Variants in HDAC9 observed in about 807,000 individuals in gnomAD.
HDAC9 encodes histone deacetylase 9, also known as MEF-2 interacting transcription repressor (MITR) protein.
HDAC9 carries 41 observed loss-of-function variants against 139.4 expected under a neutral mutation model. The observed-to-expected ratio is 0.29, with a 90% CI of 0.23 to 0.38. The LOEUF (loss-of-function observed/expected upper bound fraction) is 0.38. HDAC9 is among the 10% of genes least tolerant of loss of function. The pLI is 1.00. For synonymous variants in HDAC9, 517 were observed against 476.2 expected (o/e 1.09, Z -1.12); for missense variants, 1,147 against 1,297.0 (o/e 0.88, Z 1.78).
intron 12 of HDAC9, among the ~76,000 whole-genome samples, chr7:18,688,072 T>TAC (rs1170208413): frequency 6.6e-6 from 1 of 151,856 alleles, no homozygotes; most frequent in African/African-American, 2.4e-5. Context: ...AATGACTATA[T>TAC]ATACACACAC....
chr7:18,351,226 C>G (rs1258380717), intron 1 of HDAC9, among the ~76,000 whole-genome samples: 1 of 152,000 alleles, frequency 6.6e-6, no homozygotes, highest in East Asian at 1.9e-4. Flanking sequence ...ACATCATTGC[C>G]TGATTTACTT....
intron 2 of HDAC9, among the ~76,000 whole-genome samples, chr7:18,166,631 A>G (rs1788030924): frequency 6.6e-6 from 1 of 152,212 alleles, no homozygotes; most frequent in South Asian, 2.1e-4. Flanking sequence ...ATTTTTAAAG[A>G]GGACTAATAA....
intron 2 of HDAC9, among the ~76,000 whole-genome samples, chr7:18,237,474 G>A (rs1011100056): frequency 2.0e-5 from 3 of 152,070 alleles, no homozygotes; most frequent in African/African-American, 7.2e-5. Context: ...ACCTGAAGGT[G>A]GAATCTTAAG....
At chr7:18,946,269 T>C (rs1176458650) in intron 23 of HDAC9, among the ~76,000 whole-genome samples, 1 of 152,060 alleles carries the variant, frequency 6.6e-6, no homozygotes, top group Non-Finnish European at 1.5e-5. Flanking sequence ...CAGTCTTGGC[T>C]ACATTTGGCC....
intron 25 of HDAC9, among the ~76,000 whole-genome samples, chr7:18,985,272 A>C (rs1585484799): frequency 6.7e-6 from 1 of 150,008 alleles, no homozygotes; most frequent in South Asian, 2.1e-4. Context: ...TCCTGTGTCC[A>C]TGTGTTCTCA....
chr7:18,921,244 G>A (rs951550170), intron 22 of HDAC9, among the ~76,000 whole-genome samples: 28 of 152,080 alleles, frequency 1.8e-4, no homozygotes, highest in Admixed American at 8.5e-4. Context: ...GATCTAATTA[G>A]ACTAAAGAGC....
chr7:18,298,826 T>G lies in HDAC9; in HGVS notation c.-42+8311T>G, dbSNP rs556373319. Among the ~76,000 whole-genome samples, 4 of 152,196 alleles carry G rather than the reference T, an allele frequency of 2.6e-5. No homozygotes were observed. In the East Asian group the frequency reaches 5.8e-4, roughly 22 times the overall value. On this transcript the variant is annotated intron_variant, in intron 1 of 3. Transcript: ENST00000413509. Reference sequence around the variant, plus strand: ...ATAAAAACAAATAGTAAAGCTGTTATTATGAATTTACCTATAGGAAAACTG... The same window carrying G: ...ATAAAAACAAATAGTAAAGCTGTTAGTATGAATTTACCTATAGGAAAACTG...
intron 5 of HDAC9, among the ~76,000 whole-genome samples, chr7:18,591,883 G>A (rs1320870044): frequency 1.3e-5 from 2 of 152,126 alleles, no homozygotes. Flanking sequence ...ACAGAGAGAA[G>A]TGCTAAATAA....
At chr7:18,280,395 C>T (rs185291129) in intron 2 of HDAC9, among the ~76,000 whole-genome samples, 3 of 152,222 alleles carry the variant, frequency 2.0e-5, no homozygotes, top group African/African-American at 7.2e-5. Context: ...CGAGAACAGC[C>T]TGACCAACAT....
intron 17 of HDAC9, among the ~76,000 whole-genome samples, chr7:18,809,637 C>G (rs1184951817): frequency 6.6e-6 from 1 of 151,904 alleles, no homozygotes; most frequent in Admixed American, 6.6e-5. Context: ...CTCAACATCG[C>G]TAATTATCAG....
chr7:18,708,294 A>G (rs1439598920), intron 12 of HDAC9, among the ~76,000 whole-genome samples: 1 of 152,064 alleles, frequency 6.6e-6, no homozygotes, highest in Non-Finnish European at 1.5e-5. Flanking sequence ...GGAGAAAAAG[A>G]GGGAGGAAGG....
intron 1 of HDAC9, among the ~76,000 whole-genome samples, chr7:18,330,200 C>T (rs536444581): frequency 3.5e-4 from 53 of 151,608 alleles, no homozygotes; most frequent in African/African-American, 1.1e-3. Flanking sequence ...AAATGAAACC[C>T]AGGGCATCTG....
At chr7:18,301,049 CA>C (rs1233712166) in intron 1 of HDAC9, among the ~76,000 whole-genome samples, 2 of 151,520 alleles carry the variant, frequency 1.3e-5, no homozygotes, top group Non-Finnish European at 2.9e-5. Flanking sequence ...GAAATGCAAA[CA>C]TTTTTTTCTC....
chr7:18,853,028 G>T (rs1797418379), intron 21 of HDAC9, among the ~76,000 whole-genome samples: 1 of 152,110 alleles, frequency 6.6e-6, no homozygotes, highest in Non-Finnish European at 1.5e-5. Context: ...TTTTGGGTTT[G>T]GTGTGAAGGG....
intron 1 of HDAC9, among the ~76,000 whole-genome samples, chr7:18,438,655 T>C (rs1379891218): frequency 1.3e-5 from 2 of 151,376 alleles, no homozygotes; most frequent in African/African-American, 2.4e-5. Flanking sequence ...CGTGTGTGTG[T>C]GTGTGTGTGT....
intron 1 of HDAC9, among the ~76,000 whole-genome samples, chr7:18,089,089 A>T (rs1203670221): frequency 6.6e-6 from 1 of 152,232 alleles, no homozygotes; most frequent in Non-Finnish European, 1.5e-5. Flanking sequence ...ATGCTTTCTT[A>T]GCTGTGCTAG....
chr7:18,321,237 A>T (rs1226991651), intron 1 of HDAC9, among the ~76,000 whole-genome samples: 1 of 152,186 alleles, frequency 6.6e-6, no homozygotes, highest in Non-Finnish European at 1.5e-5. Context: ...CTCTTCCCTT[A>T]CATATTATTC....
chr7:18,134,064 C>T (rs1489770891), intron 1 of HDAC9, among the ~76,000 whole-genome samples: 6 of 151,542 alleles, frequency 4.0e-5, no homozygotes. Flanking sequence ...TAATGTTCAC[C>T]CTCCTGGAAT....
At chr7:18,287,386 C>T (rs1467467994), upstream of HDAC9, among the ~76,000 whole-genome samples, 1 of 152,186 alleles carries the variant, frequency 6.6e-6, no homozygotes, top group East Asian at 1.9e-4. Flanking sequence ...ACTTGTTACA[C>T]TGAATACCAT....
Sources: gnomAD v4.1 joint callset for allele counts (sites outside exome capture counted in the v4.1 genomes callset) on GRCh38, gnomAD v4.1.1 for gene constraint, MANE v1.5 for transcripts, NCBI Gene and HGNC (gene_info 2026-07-23, HGNC 2026-07-21) for gene names.